GOLGB1: variants seen among roughly 807,000 people sequenced by gnomAD.
GOLGB1 encodes the protein golgin B1.
Under a neutral mutation model 336.9 loss-of-function variants are expected in GOLGB1, and 174 were observed. The ratio of observed to expected loss-of-function variants is 0.52; its 90% confidence interval spans 0.46 to 0.59. The LOEUF (loss-of-function observed/expected upper bound fraction) is 0.59. Ranked by LOEUF, GOLGB1 falls within the 20% of genes least tolerant of loss-of-function variation. The pLI is 0.00. For missense variants in GOLGB1, 3,331 were observed against 3,645.3 expected (o/e 0.91, Z 2.22); for synonymous variants, 1,208 against 1,289.2 (o/e 0.94, Z 1.35).
At chr3:121,703,696 C>T (rs1321376645) in intron 10 of GOLGB1, among the ~76,000 whole-genome samples, 1 of 151,888 alleles carries the variant, frequency 6.6e-6, no homozygotes, top group African/African-American at 2.4e-5. Flanking sequence ...TTAGAAATAA[C>T]AAAATAAAAT....
At chr3:121,677,596 A>G in intron 15 of GOLGB1, 146 bp from the exon 16 acceptor site, 1 of 550,368 alleles carries the variant, frequency 1.8e-6, no homozygotes, top group Non-Finnish European at 3.2e-6. Context: ...AAAGGTGGAA[A>G]GAGAGAAAAT....
intron 14 of GOLGB1, 147 bp from the exon 15 acceptor site, chr3:121,682,012 A>C (rs1941134263): frequency 3.2e-6 from 2 of 620,736 alleles, no homozygotes; most frequent in Non-Finnish European, 5.7e-6. Flanking sequence ...CTGCAACATA[A>C]GTCTCTAAAG....
chr3:121,747,384 C>CGT (rs1560353007), intron 1 of GOLGB1, among the ~76,000 whole-genome samples: 1 of 136,726 alleles, frequency 7.3e-6, no homozygotes, highest in African/African-American at 2.8e-5. Context: ...TGTCTATATA[C>CGT]GTATATATAT....
chr3:121,693,548 G>A (rs1354160489), intron 13 of GOLGB1, among the ~76,000 whole-genome samples, 193 bp downstream of exon 13: 2 of 152,098 alleles, frequency 1.3e-5, no homozygotes, highest in Non-Finnish European at 1.5e-5. Context: ...GAGAAGATGC[G>A]AACTTTTCAT....
intron 10 of GOLGB1, among the ~76,000 whole-genome samples, chr3:121,705,178 T>C (rs577165234): frequency 3.3e-5 from 5 of 152,174 alleles, no homozygotes; most frequent in Non-Finnish European, 7.3e-5. Flanking sequence ...TGAGGGTATA[T>C]GATTATGAAG....
At chr3:121,736,625 G>A (rs1422465509) in intron 1 of GOLGB1, among the ~76,000 whole-genome samples, 8 of 152,162 alleles carry the variant, frequency 5.3e-5, no homozygotes, top group Non-Finnish European at 1.0e-4. Flanking sequence ...AAAGTAGGCC[G>A]GGCACAGTGT....
At position 121,719,728 on chromosome 3, in the gene GOLGB1, C is replaced by T. The variant is rs1446717694; in HGVS notation, c.689G>A (p.Arg230His). The change falls in exon 7 of 22, where the codon CGC becomes CAC. Residue 230 changes from arginine to histidine, a missense_variant. By Grantham distance (29) the Arg-to-His change is conservative. Transcript: ENST00000614479. Reference sequence around the variant, plus strand: ...ATGAAGACGAACTTGTGTTTCAAAGCGGGCATCTTTCTCTCGGACCACCTG... The same window carrying T: ...ATGAAGACGAACTTGTGTTTCAAAGTGGGCATCTTTCTCTCGGACCACCTG... ...MQQVVREKDA[R>H]FETQVRLHED... 1.4e-5 allele frequency: 22 copies of T among 1,608,740 alleles called. No homozygotes were observed. The highest frequency in any genetic ancestry group is 5.0e-5 in the Admixed American group (3 of 59,502).
intron 20 of GOLGB1, among the ~76,000 whole-genome samples, chr3:121,666,776 A>T (rs1032675460): frequency 2.6e-5 from 4 of 152,204 alleles, no homozygotes; most frequent in Non-Finnish European, 5.9e-5. Flanking sequence ...TTTTCCGTGG[A>T]AAGGGACTTC....
At position 121,668,135 on chromosome 3, in the gene GOLGB1, A is replaced by G. The variant is rs1352334178; in HGVS notation, c.9345T>C (p.Ala3115=). 3.1e-6 allele frequency: 5 copies of G among 1,601,244 alleles called. No individual in the cohort carries two copies. Among genetic ancestry groups the G allele is most frequent in the Non-Finnish European group, 4.3e-6 (5 of 1,170,918 alleles). The change falls in exon 19 of 22, where the codon GCT becomes GCC. Residue 3115 remains alanine (A), a synonymous_variant. Coordinates refer to ENST00000614479, the MANE Select transcript of GOLGB1 (RefSeq NM_001366282.2). ...CATTCTTTTCCTGGGGAGCTCCTGG[A>G]GCAACATCTATATTTAGTGGCCCCT... is the stretch of plus-strand genomic sequence containing the variant. The part of the protein sequence containing the change: ...LQAGPLNIDV[A]PGAPQEKNGV...
chr3:121,713,227 T>C (rs1306843190), intron 10 of GOLGB1, among the ~76,000 whole-genome samples: 2 of 152,078 alleles, frequency 1.3e-5, no homozygotes, highest in African/African-American at 2.4e-5. Context: ...GCTAAATACA[T>C]AGGTACTCTA....
intron 10 of GOLGB1, among the ~76,000 whole-genome samples, chr3:121,706,978 C>T (rs1439637693): frequency 6.6e-6 from 1 of 151,268 alleles, no homozygotes; most frequent in Non-Finnish European, 1.5e-5. Flanking sequence ...TTTGGGAGGC[C>T]GAGGCGGGTG....
At position 121,745,510 on chromosome 3, in the gene GOLGB1, GTATATATACATATGTATACGTGTATGTA is replaced by G. The variant is rs1553890622; in HGVS notation, c.-3+4094_-3+4121del. On this transcript the variant is annotated intron_variant, in intron 1 of 21. Coordinates refer to ENST00000614479, the MANE Select transcript of GOLGB1 (RefSeq NM_001366282.2). ...TATATATACATATGTACACGTGTAT[GTATATATACATATGTATACGTGTATGTA>G]TATATATACATATGTATACGTGTAT... is the stretch of plus-strand genomic sequence containing the variant. Among the ~76,000 whole-genome samples, 521 of 146,860 alleles carry G rather than the reference GTATATATACATATGTATACGTGTATGTA, an allele frequency of 3.5e-3. 5 individuals are homozygous for G. Among genetic ancestry groups the G allele is most frequent in the African/African-American group, 0.012 (470 of 39,568 alleles).
intron 10 of GOLGB1, among the ~76,000 whole-genome samples, chr3:121,708,660 C>T (rs1466176811): frequency 6.6e-6 from 1 of 152,114 alleles, no homozygotes; most frequent in African/African-American, 2.4e-5. Context: ...ACACACAAAA[C>T]CCTCTTTAAA....
chr3:121,719,627 C>G lies in GOLGB1; in HGVS notation c.771+19G>C. On this transcript the variant is annotated intron_variant, in intron 7 of 21. Coordinates refer to ENST00000614479, the MANE Select transcript of GOLGB1 (RefSeq NM_001366282.2). ...ATTAACCAAAATGACAGTCATTCTA[C>G]CGAGTTTTAGCAACACACCTGTTGC... 1 of 1,585,554 alleles carries G rather than the reference C, an allele frequency of 6.3e-7. No individual in the cohort carries two copies. The highest frequency in any genetic ancestry group is 8.6e-7 in the Non-Finnish European group (1 of 1,165,256).
chr3:121,747,193 T>C (rs1311151317), intron 1 of GOLGB1, among the ~76,000 whole-genome samples: 1 of 111,450 alleles, frequency 9.0e-6, no homozygotes, highest in Non-Finnish European at 1.9e-5. Flanking sequence ...TATATATATA[T>C]GGATGTTACA....
Position 121,694,619 on chromosome 3 carries a change from CT to C in GOLGB1, c.5903del (p.Lys1968SerfsTer3). 1 of 1,612,110 alleles carries C rather than the reference CT, an allele frequency of 6.2e-7. No homozygotes were observed. The highest frequency in any genetic ancestry group is 8.5e-7 in the Non-Finnish European group (1 of 1,179,980). ...TTTCTTCTTCCAATTCACTCACACA[CT>C]TTTTAAGGTTCTTCATTTCAGATTC... Reference protein sequence around the residue: ...LLESEMKNLKKCVSELEEEKQ... With the variant: ...LLESEMKNLKXCVSELEEEKQ... On this transcript the variant is annotated frameshift_variant, in exon 13 of 22. Transcript: ENST00000614479. LOFTEE classifies it high-confidence loss of function.
chr3:121,711,176 A>G (rs557001432), intron 10 of GOLGB1, among the ~76,000 whole-genome samples: 6 of 152,206 alleles, frequency 3.9e-5, no homozygotes, highest in Admixed American at 6.5e-5. Flanking sequence ...CATGGGCAAC[A>G]GTGAAACTCC....
chr3:121,729,037 C>A, intron 4 of GOLGB1, 151 bp downstream of exon 4: 1 of 505,826 alleles, frequency 2.0e-6, no homozygotes, highest in Non-Finnish European at 3.5e-6. Context: ...TACAGTCCAG[C>A]TGAACTACAA....
chr3:121,689,030 C>A (rs1256481154), intron 14 of GOLGB1, among the ~76,000 whole-genome samples: 4 of 149,888 alleles, frequency 2.7e-5, no homozygotes, highest in East Asian at 2.0e-4. Context: ...GGTCAGCCCC[C>A]CGCCCAGCCA....
Sources: gnomAD v4.1 joint callset for allele counts (sites outside exome capture counted in the v4.1 genomes callset) on GRCh38, gnomAD v4.1.1 for gene constraint, MANE v1.5 for transcripts, NCBI Gene and HGNC (gene_info 2026-07-23, HGNC 2026-07-21) for gene names.